Variants in OPCML observed in about 807,000 individuals in gnomAD.
OPCML encodes opioid binding protein/cell adhesion molecule like.
Under a neutral mutation model 37.8 loss-of-function variants are expected in OPCML, and 13 were observed. The observed-to-expected ratio is 0.34, with a 90% CI of 0.22 to 0.55. The LOEUF is 0.55. Ranked by LOEUF, OPCML falls within the 20% of genes least tolerant of loss-of-function variation. The pLI is 0.91. For synonymous variants in OPCML, 176 were observed against 168.8 expected, an observed-to-expected ratio of 1.04 and a Z score of -0.33; for missense variants, 341 against 435.6, an observed-to-expected ratio of 0.78 and a Z score of 1.93.
chr11:133,180,758 G>A (rs147335806), intron 1 of OPCML, among the ~76,000 whole-genome samples: 3 of 148,940 alleles, frequency 2.0e-5, no homozygotes, highest in Admixed American at 6.8e-5. Flanking sequence ...TTTACGGTAC[G>A]CATCACACGC....
intron 2 of OPCML, among the ~76,000 whole-genome samples, chr11:132,923,994 C>A (rs1014470531): frequency 6.6e-6 from 1 of 151,632 alleles, no homozygotes; most frequent in Non-Finnish European, 1.5e-5. Flanking sequence ...AACTCCTGAC[C>A]TCAGGTGATC....
intron 1 of OPCML, among the ~76,000 whole-genome samples, chr11:133,382,103 T>TG (rs1244688621): frequency 6.6e-6 from 1 of 152,190 alleles, no homozygotes; most frequent in Non-Finnish European, 1.5e-5. Flanking sequence ...CCAACTTGTT[T>TG]GGGGAGGCGG....
intron 1 of OPCML, among the ~76,000 whole-genome samples, chr11:133,245,974 G>T (rs189564492): frequency 2.8e-4 from 42 of 152,204 alleles, no homozygotes; most frequent in African/African-American, 9.9e-4. Context: ...TTTGGGGGCT[G>T]GGGGTCAAGG....
At chr11:133,483,096 T>C (rs954004157) in intron 1 of OPCML, among the ~76,000 whole-genome samples, 1 of 152,026 alleles carries the variant, frequency 6.6e-6, no homozygotes, top group Non-Finnish European at 1.5e-5. Context: ...GGCAAAATAT[T>C]TGAATGAGAA....
chr11:133,507,372 C>T (rs73587651), intron 1 of OPCML, among the ~76,000 whole-genome samples: 21,272 of 152,168 alleles, frequency 0.14, 1,806 homozygotes, highest in Admixed American at 0.24. Context: ...AGTGCTCATT[C>T]GAACTATGAA....
chr11:133,180,838 C>CAA (rs34333844), intron 1 of OPCML, among the ~76,000 whole-genome samples: 23,127 of 93,356 alleles, frequency 0.25, 2,205 homozygotes, highest in African/African-American at 0.32. Flanking sequence ...CTCAGCAAAG[C>CAA]AAAAAAAAAA....
chr11:133,215,638 A>T (rs1342666073), intron 1 of OPCML, among the ~76,000 whole-genome samples: 5 of 152,164 alleles, frequency 3.3e-5, no homozygotes, highest in Non-Finnish European at 7.3e-5. Flanking sequence ...ATGCTCAGAG[A>T]AAGCAGACCT....
intron 1 of OPCML, among the ~76,000 whole-genome samples, chr11:133,138,490 ATCTACC>A (rs1468342331): frequency 6.6e-6 from 1 of 152,206 alleles, no homozygotes; most frequent in African/African-American, 2.4e-5. Flanking sequence ...GACAGCCAGT[ATCTACC>A]TCTGATTTGG....
intron 2 of OPCML, among the ~76,000 whole-genome samples, chr11:132,699,615 T>C (rs1565786096): frequency 1.3e-5 from 2 of 152,058 alleles, no homozygotes; most frequent in Non-Finnish European, 2.9e-5. Context: ...ATATAACTTC[T>C]ATCTTTCATT....
chr11:132,747,235 T>C (rs1325306186), intron 2 of OPCML, among the ~76,000 whole-genome samples: 1 of 152,078 alleles, frequency 6.6e-6, no homozygotes, highest in Non-Finnish European at 1.5e-5. Context: ...AATACAGGAA[T>C]TGAATTTGGC....
chr11:132,898,754 T>A (rs923359514), intron 2 of OPCML, among the ~76,000 whole-genome samples: 2 of 152,220 alleles, frequency 1.3e-5, no homozygotes, highest in African/African-American at 4.8e-5. Context: ...TATGCTCTGC[T>A]GACCTAGAGG....
intron 2 of OPCML, among the ~76,000 whole-genome samples, chr11:132,887,506 G>A (rs971158741): frequency 2.6e-5 from 4 of 152,162 alleles, no homozygotes; most frequent in South Asian, 4.1e-4. Flanking sequence ...GGGCCTGACC[G>A]AGTACAATGA....
chr11:132,551,945 G>A (rs1299509991), intron 3 of OPCML, among the ~76,000 whole-genome samples: 1 of 152,194 alleles, frequency 6.6e-6, no homozygotes, highest in East Asian at 1.9e-4. Flanking sequence ...GGCAGTTACA[G>A]AGTGGCAACA....
chr11:133,255,718 C>T (rs1240927204), intron 1 of OPCML, among the ~76,000 whole-genome samples: 1 of 152,122 alleles, frequency 6.6e-6, no homozygotes, highest in Non-Finnish European at 1.5e-5. Context: ...TTCCTATTCA[C>T]CAGCAGTGGG....
chr11:132,721,950 C>CTT (rs34325848), intron 2 of OPCML, among the ~76,000 whole-genome samples: 4,064 of 82,832 alleles, frequency 0.049, 145 homozygotes, highest in East Asian at 0.09. Flanking sequence ...CTTTCCTTCC[C>CTT]TTTTTTTTTT....
chr11:133,393,199 A>G (rs1466989633), intron 1 of OPCML, among the ~76,000 whole-genome samples: 1 of 152,190 alleles, frequency 6.6e-6, no homozygotes, highest in Non-Finnish European at 1.5e-5. Context: ...GGCACAAGTT[A>G]CAGTGCCACT....
intron 3 of OPCML, among the ~76,000 whole-genome samples, chr11:132,541,669 A>T (rs1467598142): frequency 6.6e-6 from 1 of 152,196 alleles, no homozygotes. Context: ...AGGATTAGGT[A>T]CTAGAAGCAG....
chr11:132,543,782 T>G (rs1288987841), intron 3 of OPCML, among the ~76,000 whole-genome samples: 1 of 152,126 alleles, frequency 6.6e-6, no homozygotes, highest in Non-Finnish European at 1.5e-5. Flanking sequence ...CCCCACTCAC[T>G]ATCATGCTGG....
At chr11:132,501,683 C>T (rs1326023866) in intron 4 of OPCML, among the ~76,000 whole-genome samples, 1 of 152,186 alleles carries the variant, frequency 6.6e-6, no homozygotes, top group East Asian at 1.9e-4. Context: ...TTCTCACCTT[C>T]TACCATTATC....
Sources: allele counts gnomAD v4.1 joint callset (sites outside exome capture counted in the v4.1 genomes callset), GRCh38; gene constraint gnomAD v4.1.1; transcripts MANE v1.5; gene names NCBI Gene and HGNC (gene_info 2026-07-23, HGNC 2026-07-21).